The following CERK variants were observed in gnomAD, a reference collection of about 807,000 sequenced individuals.
CERK encodes acylsphingosine kinase.
In CERK, 39 loss-of-function variants were observed where a neutral mutation model predicts 63.4. That is an observed-to-expected ratio of 0.61 (90% CI 0.48 to 0.80). CERK has a LOEUF of 0.80. Among genes scored for constraint, CERK ranks in the 30% least tolerant of loss-of-function variants. CERK has a pLI of 0.00. For synonymous variants in CERK, 302 were observed against 280.0 expected, an observed-to-expected ratio of 1.08 and a Z score of -0.78; for missense variants, 670 against 714.1, an observed-to-expected ratio of 0.94 and a Z score of 0.70.
chr22:46,711,002 G>A (rs2082838031), intron 5 of CERK, 84 bp downstream of exon 5: 3 of 1,117,526 alleles, frequency 2.7e-6, no homozygotes, highest in East Asian at 2.4e-5. Flanking sequence ...GCGGATTTAG[G>A]AAAAGGAGCT....
rs912775106 is a variant in CERK at position 46,689,883 on chromosome 22, T to C, written c.1541+109A>G. 43 of 686,696 alleles carry C rather than the reference T, an allele frequency of 6.3e-5. 1 individual carries two copies. In the East Asian group the frequency reaches 1.2e-3, roughly 19 times the overall value. The allele number at this position is 686,696 out of a possible 1,614,324, so 42.5% of individuals were successfully genotyped here. On this transcript the variant is annotated intron_variant, in intron 12 of 12. Transcript: ENST00000216264. ...GCATTTATAAAACATTCTTACGTTT[T>C]GTGTTTATAAAGCCCCAGGGAACCC...
chr22:46,716,102 A>T (rs1432678230), intron 3 of CERK, among the ~76,000 whole-genome samples: 1 of 151,886 alleles, frequency 6.6e-6, no homozygotes, highest in Admixed American at 6.6e-5. Context: ...AGGCAGAAGC[A>T]TTGCTTGAGC....
At chr22:46,728,603 C>T (rs1361557398) in intron 1 of CERK, among the ~76,000 whole-genome samples, 2 of 152,220 alleles carry the variant, frequency 1.3e-5, no homozygotes, top group African/African-American at 4.8e-5. Context: ...ATTCAGACAT[C>T]TAGTTCTGGC....
At chr22:46,719,435 G>A (rs28449486) in intron 3 of CERK, among the ~76,000 whole-genome samples, 4,707 of 152,190 alleles carry the variant, frequency 0.031, 247 homozygotes, top group African/African-American at 0.11. Context: ...ACTCCAGGAG[G>A]CCAAGGTGGG....
Position 46,690,111 on chromosome 22 carries a change from C to G in CERK, c.1422G>C (p.Glu474Asp), listed in dbSNP as rs775141833. The change falls in exon 12 of 13, where the codon GAG becomes GAC. Residue 474 changes from glutamate (E) to aspartate (D), a missense_variant. Transcript: ENST00000216264. Reference protein sequence around the residue: ...HMEDEDSDLKEGGKKRFGHIC... With the variant: ...HMEDEDSDLKDGGKKRFGHIC... ...TGTGCCCAAAGCGCTTCTTCCCCCC[C>G]TCCTTGAGGTCGCTGTCCTCATCCT... The G allele has an allele frequency of 1.1e-5, 17 of 1,613,996 alleles. No homozygotes were observed. Among genetic ancestry groups the G allele is most frequent in the East Asian group, 8.9e-5 (4 of 44,880 alleles).
chr22:46,701,409 C>T (rs553994996), intron 7 of CERK, among the ~76,000 whole-genome samples: 4 of 152,280 alleles, frequency 2.6e-5, no homozygotes, highest in African/African-American at 7.2e-5. Flanking sequence ...GGAAAGAACT[C>T]GGCCCACACT....
intron 4 of CERK, among the ~76,000 whole-genome samples, chr22:46,711,596 T>C (rs1165009946): frequency 6.6e-6 from 1 of 152,246 alleles, no homozygotes; most frequent in East Asian, 1.9e-4. Context: ...AGATTATTTC[T>C]AAGACTTATT....
intron 1 of CERK, among the ~76,000 whole-genome samples, chr22:46,730,064 A>C (rs139564887): frequency 3.1e-3 from 470 of 152,046 alleles, no homozygotes; most frequent in African/African-American, 0.011. Flanking sequence ...ACAAACAAAC[A>C]AAAAACAAAG....
rs761362852 is a variant in CERK at position 46,690,104 on chromosome 22, T to TC, written c.1428dup (p.Lys477GlufsTer52). ...CTGCAAATGTGCCCAAAGCGCTTCT[T>TC]CCCCCCCTCCTTGAGGTCGCTGTCC... On this transcript the variant is annotated frameshift_variant, in exon 12 of 13. Coordinates refer to ENST00000216264, the MANE Select transcript of CERK (RefSeq NM_022766.6). LOFTEE classifies it high-confidence loss of function. 10 of 1,613,618 alleles carry TC rather than the reference T, an allele frequency of 6.2e-6. No homozygotes were observed. Among genetic ancestry groups the TC allele is most frequent in the South Asian group, 1.1e-5 (1 of 91,050 alleles).
intron 8 of CERK, among the ~76,000 whole-genome samples, chr22:46,698,381 G>A (rs573844689): frequency 2.6e-5 from 4 of 152,348 alleles, no homozygotes; most frequent in East Asian, 1.9e-4. Context: ...AACCAGGCCC[G>A]GCATAGAGCA....
chr22:46,705,210 G>A (rs2082807285), intron 6 of CERK, among the ~76,000 whole-genome samples: 1 of 152,236 alleles, frequency 6.6e-6, no homozygotes, highest in Non-Finnish European at 1.5e-5. Context: ...ACGTGCACAG[G>A]GGCCAGGGTC....
intron 12 of CERK, among the ~76,000 whole-genome samples, chr22:46,687,477 G>T (rs983921390): frequency 1.3e-5 from 2 of 152,198 alleles, no homozygotes; most frequent in African/African-American, 4.8e-5. Flanking sequence ...GTTTGTAAAG[G>T]GGTTGCCAAT....
intron 8 of CERK, among the ~76,000 whole-genome samples, chr22:46,696,779 T>C (rs1664052255): frequency 6.6e-6 from 1 of 152,080 alleles, no homozygotes; most frequent in Non-Finnish European, 1.5e-5. Flanking sequence ...GCCTCGGGGC[T>C]CTCATCCTGG....
intron 7 of CERK, among the ~76,000 whole-genome samples, chr22:46,700,871 C>T (rs143359044): frequency 2.0e-5 from 3 of 151,662 alleles, no homozygotes; most frequent in African/African-American, 4.8e-5. Flanking sequence ...ATGAACTGGA[C>T]GTGGTGGCGC....
At chr22:46,703,747 C>T (rs894906404) in intron 6 of CERK, among the ~76,000 whole-genome samples, 5 of 152,200 alleles carry the variant, frequency 3.3e-5, no homozygotes, top group Non-Finnish European at 5.9e-5. Context: ...ACGCAGAGAG[C>T]GATATCGGAG....
intron 5 of CERK, among the ~76,000 whole-genome samples, chr22:46,709,412 G>A (rs1436791923): frequency 1.3e-5 from 2 of 152,200 alleles, no homozygotes; most frequent in Non-Finnish European, 2.9e-5. Flanking sequence ...ACATGGAGGA[G>A]CTGCCATCGG....
At chr22:46,724,291 G>A (rs1305837388) in intron 1 of CERK, among the ~76,000 whole-genome samples, 1 of 152,142 alleles carries the variant, frequency 6.6e-6, no homozygotes, top group Non-Finnish European at 1.5e-5. Flanking sequence ...GGCCACATAG[G>A]AAATATGTGT....
At chr22:46,734,004 C>T (rs2082959366) in intron 1 of CERK, among the ~76,000 whole-genome samples, 1 of 151,706 alleles carries the variant, frequency 6.6e-6, no homozygotes, top group South Asian at 2.1e-4. Context: ...CCACTTCACT[C>T]CAGCCTGGGA....
intron 8 of CERK, among the ~76,000 whole-genome samples, chr22:46,696,321 T>C (rs1035537997): frequency 1.3e-5 from 2 of 152,158 alleles, no homozygotes; most frequent in Non-Finnish European, 2.9e-5. Flanking sequence ...TGGCTGCAGC[T>C]CCGCCTCCCT....
Sources: allele counts gnomAD v4.1 joint callset (sites outside exome capture counted in the v4.1 genomes callset), GRCh38; gene constraint gnomAD v4.1.1; transcripts MANE v1.5; gene names NCBI Gene and HGNC (gene_info 2026-07-23, HGNC 2026-07-21).